The following ELP4 variants were observed in gnomAD, a reference collection of about 807,000 sequenced individuals.
The protein encoded by ELP4 is elongator acetyltransferase complex subunit 4.
In ELP4, 51 loss-of-function variants were observed where a neutral mutation model predicts 48.9. The observed-to-expected ratio is 1.04, with a 90% confidence interval of 0.83 to 1.32. The LOEUF is 1.32. Among genes scored for constraint, ELP4 ranks in the 40% most tolerant of loss-of-function variants. The pLI is 0.00. For missense variants in ELP4, 519 were observed against 514.6 expected, an observed-to-expected ratio of 1.01 and a Z score of -0.08; for synonymous variants, 210 against 189.2, an observed-to-expected ratio of 1.11 and a Z score of -0.90.
intron 9 of ELP4, among the ~76,000 whole-genome samples, chr11:31,728,536 G>C (rs1947123243): frequency 6.6e-6 from 1 of 152,142 alleles, no homozygotes; most frequent in South Asian, 2.1e-4. Flanking sequence ...GTAAGTATGA[G>C]TTCTTAGGCT....
At chr11:31,767,975 A>G (rs1948073921) in intron 9 of ELP4, 1 of 152,208 alleles carries the variant, frequency 6.6e-6, no homozygotes, top group Non-Finnish European at 1.5e-5. Flanking sequence ...AACTAGATGT[A>G]TCAAGCAACT....
At position 31,589,906 on chromosome 11, in the gene ELP4, T is replaced by G. The variant is rs11031421; in HGVS notation, c.382-4864T>G. Among the ~76,000 whole-genome samples, 20 of 152,288 alleles carry G rather than the reference T, an allele frequency of 1.3e-4. No individual in the cohort carries two copies. In the East Asian group the frequency reaches 3.5e-3, roughly 26 times the overall value. ...ACATTATTATCATGTGACCTATTATTTATTTGTTTGTTTATTGTTTTACTC... is the reference window on the plus strand; with the variant it reads ...ACATTATTATCATGTGACCTATTATGTATTTGTTTGTTTATTGTTTTACTC... On this transcript the variant is annotated intron_variant, in intron 3 of 9. Coordinates refer to ENST00000640961, the MANE Select transcript of ELP4 (RefSeq NM_019040.5).
At chr11:31,558,783 T>C (rs1956969568) in intron 3 of ELP4, among the ~76,000 whole-genome samples, 1 of 152,148 alleles carries the variant, frequency 6.6e-6, no homozygotes, top group Admixed American at 6.5e-5. Context: ...AAATTTTGTT[T>C]TGAACCCATA....
intron 9 of ELP4, among the ~76,000 whole-genome samples, chr11:31,775,465 G>C (rs2134277092): frequency 6.6e-6 from 1 of 152,294 alleles, no homozygotes; most frequent in East Asian, 1.9e-4. Flanking sequence ...AATGAACCTG[G>C]GGGAGAGAAC....
chr11:31,741,300 G>A (rs952325183), intron 9 of ELP4, among the ~76,000 whole-genome samples: 1 of 152,328 alleles, frequency 6.6e-6, no homozygotes, highest in African/African-American at 2.4e-5. Context: ...GCCTGCCTCT[G>A]TAGGCTCCAC....
intron 2 of ELP4, among the ~76,000 whole-genome samples, chr11:31,528,643 A>T (rs757868374): frequency 2.0e-5 from 3 of 152,120 alleles, no homozygotes; most frequent in Non-Finnish European, 4.4e-5. Flanking sequence ...ATACATGTGT[A>T]GGTGATGAAG....
At chr11:31,554,446 T>A (rs1181405652) in intron 3 of ELP4, among the ~76,000 whole-genome samples, 1 of 151,246 alleles carries the variant, frequency 6.6e-6, no homozygotes, top group Non-Finnish European at 1.5e-5. Context: ...TTTATATATT[T>A]TATATATATG....
At chr11:31,638,407 A>G (rs182978406) in intron 7 of ELP4, among the ~76,000 whole-genome samples, 13 of 151,976 alleles carry the variant, frequency 8.6e-5, no homozygotes, top group African/African-American at 2.4e-4. Context: ...CACTTGATCA[A>G]TTAATAGCCT....
intron 3 of ELP4, among the ~76,000 whole-genome samples, chr11:31,586,727 C>T (rs920542546): frequency 2.0e-5 from 3 of 151,808 alleles, no homozygotes; most frequent in African/African-American, 7.3e-5. Context: ...CTGCAAGCTC[C>T]GCCTCCTGGG....
At chr11:31,742,138 G>A (rs978871800) in intron 9 of ELP4, among the ~76,000 whole-genome samples, 4 of 152,186 alleles carry the variant, frequency 2.6e-5, no homozygotes, top group African/African-American at 4.8e-5. Context: ...CTGGAAGAAA[G>A]GGTATCAGTG....
intron 9 of ELP4, among the ~76,000 whole-genome samples, chr11:31,768,473 A>G (rs1036242478): frequency 9.2e-5 from 14 of 152,242 alleles, no homozygotes; most frequent in Non-Finnish European, 1.9e-4. Context: ...CCAAAAAGAT[A>G]CTACCTAAAT....
At chr11:31,688,534 A>G (rs1004153902) in intron 9 of ELP4, among the ~76,000 whole-genome samples, 2 of 152,326 alleles carry the variant, frequency 1.3e-5, no homozygotes, top group African/African-American at 2.4e-5. Flanking sequence ...ATTTCATACT[A>G]GAATACAGTA....
chr11:31,698,057 C>G (rs2134151625), intron 9 of ELP4, among the ~76,000 whole-genome samples: 1 of 152,120 alleles, frequency 6.6e-6, no homozygotes, highest in African/African-American at 2.4e-5. Flanking sequence ...GTAAAGTACG[C>G]CCTGGCATTT....
chr11:31,665,714 GT>G (rs1945658860), intron 9 of ELP4, among the ~76,000 whole-genome samples: 1 of 130,780 alleles, frequency 7.6e-6, no homozygotes, highest in African/African-American at 2.8e-5. Context: ...GAGTACAGTG[GT>G]GCAATCATGG....
intron 3 of ELP4, among the ~76,000 whole-genome samples, chr11:31,559,986 TA>T (rs60538761): frequency 0.35 from 52,486 of 150,708 alleles, 10,955 homozygotes; most frequent in African/African-American, 0.58. Flanking sequence ...ATTTTCAAAT[TA>T]AAAAAAAATA....
intron 9 of ELP4, among the ~76,000 whole-genome samples, chr11:31,670,393 A>G (rs1341424488): frequency 1.3e-5 from 2 of 152,190 alleles, no homozygotes; most frequent in African/African-American, 4.8e-5. Context: ...CACTTGACTG[A>G]AACATGATTA....
In ELP4 at chr11:31,600,560, G is replaced by T. The variant is rs141807001; in HGVS notation, c.514-3208G>T. ...AATGTAATTACAAAACACAGTGATGGATCTTCTCATTCTCTAGTGAATCAT... is the reference window on the plus strand; with the variant it reads ...AATGTAATTACAAAACACAGTGATGTATCTTCTCATTCTCTAGTGAATCAT... On this transcript the variant is annotated intron_variant, in intron 4 of 9. Coordinates refer to ENST00000640961, the MANE Select transcript of ELP4 (RefSeq NM_019040.5). 116 of 152,178 alleles carry T rather than the reference G, an allele frequency of 7.6e-4. 2 individuals are homozygous for T. The highest frequency in any genetic ancestry group is 2.5e-3 in the African/African-American group (103 of 41,542). The allele number at this position is 152,178 out of a possible 1,614,324, so 9.4% of individuals were successfully genotyped here.
chr11:31,616,518 A>G (rs1454871741), intron 5 of ELP4, among the ~76,000 whole-genome samples: 2 of 152,136 alleles, frequency 1.3e-5, no homozygotes, highest in African/African-American at 4.8e-5. Context: ...GGATTCGGCC[A>G]TTATTTCTTG....
At chr11:31,769,160 A>T (rs879722420) in intron 9 of ELP4, among the ~76,000 whole-genome samples, 8 of 152,204 alleles carry the variant, frequency 5.3e-5, no homozygotes, top group African/African-American at 4.8e-5. Flanking sequence ...GGGGTCTCAA[A>T]GTAACTAGAG....
Sources: gnomAD v4.1 joint callset for allele counts (sites outside exome capture counted in the v4.1 genomes callset) on GRCh38, gnomAD v4.1.1 for gene constraint, MANE v1.5 for transcripts, NCBI Gene and HGNC (gene_info 2026-07-23, HGNC 2026-07-21) for gene names.